The following WWP2 variants were observed in gnomAD, a reference collection of about 807,000 sequenced individuals.
WWP2 encodes the protein WW domain containing E3 ubiquitin protein ligase 2.
WWP2 carries 57 observed loss-of-function variants against 121.0 expected under a neutral mutation model. The observed-to-expected ratio is 0.47, with a 90% CI of 0.38 to 0.59. The LOEUF is 0.59. Among genes scored for constraint, WWP2 ranks in the 20% least tolerant of loss-of-function variants. WWP2 has a pLI of 0.00. For missense variants in WWP2, 962 were observed against 1,158.9 expected (o/e 0.83, Z 2.47); for synonymous variants, 449 against 441.3 (o/e 1.02, Z -0.22).
rs1178503901 is a variant in WWP2, at chr16:69,925,701, C to T, written c.1234+217C>T. ...AGCTCCACCGAACCACTGTAGCATC[C>T]ACCCACCATCGCTAAAGGAGTGTGA... On this transcript the variant is annotated intron_variant, in intron 11 of 23. Coordinates refer to ENST00000359154, the MANE Select transcript of WWP2 (RefSeq NM_001270454.2). The surrounding 1 kb of genome is among the most constrained non-coding windows in gnomAD (Gnocchi z 4.0). Among the ~76,000 whole-genome samples, 1 of 152,198 alleles carries T rather than the reference C, an allele frequency of 6.6e-6. No individual in the cohort carries two copies. Among genetic ancestry groups the T allele is most frequent in the Non-Finnish European group, 1.5e-5 (1 of 68,034 alleles).
At chr16:69,847,284 C>T (rs931237955) in intron 6 of WWP2, among the ~76,000 whole-genome samples, 1 of 151,760 alleles carries the variant, frequency 6.6e-6, no homozygotes, top group African/African-American at 2.4e-5. Flanking sequence ...GGGGTTTCAC[C>T]ATATTGGTCA....
At position 69,935,855 on chromosome 16, in the gene WWP2, G is replaced by A. The variant is rs749052862; in HGVS notation, c.1845G>A (p.Ala615=). 2.2e-5 allele frequency: 36 copies of A among 1,612,510 alleles called. No homozygotes were observed. Among genetic ancestry groups the A allele is most frequent in the Non-Finnish European group, 2.2e-5 (26 of 1,179,280 alleles). The change falls in exon 18 of 24, where the codon GCG becomes GCA. Residue 615 remains alanine, a splice_region_variant and synonymous_variant. Coordinates refer to ENST00000359154, the MANE Select transcript of WWP2 (RefSeq NM_001270454.2). This position sits in a 1 kb window ranked among gnomAD's most constrained non-coding sequence, Gnocchi z 5.2. ...FRFIGRFIAM[A]LYHGKFIDTG... is the part of the protein sequence containing the mutation. ...GTGCTGTGCCTCTTCCTTCCCAGGC[G>A]CTGTACCATGGAAAGTTCATCGACA...
chr16:69,864,534 T>A (rs994952348), intron 6 of WWP2, among the ~76,000 whole-genome samples: 1 of 151,998 alleles, frequency 6.6e-6, no homozygotes, highest in African/African-American at 2.4e-5. Flanking sequence ...TACTGTAAGT[T>A]GTATAAAAAC....
intron 4 of WWP2, among the ~76,000 whole-genome samples, chr16:69,839,132 G>A (rs1297945427): frequency 5.1e-5 from 2 of 39,494 alleles, no homozygotes; most frequent in African/African-American, 2.1e-4. Context: ...TAGCAACTAA[G>A]AAATAAAACA....
At chr16:69,856,376 A>T (rs1366287283) in intron 6 of WWP2, among the ~76,000 whole-genome samples, 1 of 152,202 alleles carries the variant, frequency 6.6e-6, no homozygotes, top group East Asian at 1.9e-4. Flanking sequence ...AGTTGTGGTG[A>T]TGGTAACACC....
chr16:69,892,097 A>G (rs2058037683), intron 8 of WWP2, among the ~76,000 whole-genome samples: 2 of 152,182 alleles, frequency 1.3e-5, no homozygotes, highest in Admixed American at 1.3e-4. Flanking sequence ...CACCTAGCAC[A>G]TATGCACCTA....
Position 69,871,636 on chromosome 16 carries a change from GTC to G in WWP2, c.576-162_576-161del, listed in dbSNP as rs1293186191. ...TTTACCAAAAAGGAAACTTCCCTGG[GTC>G]TCTCTGCTTGGAACCAGCTTCTGTT... is the stretch of plus-strand genomic sequence containing the variant. On this transcript the variant is annotated intron_variant, in intron 6 of 23. Transcript: ENST00000359154. 7 of 911,826 alleles carry G rather than the reference GTC, an allele frequency of 7.7e-6. No individual in the cohort carries two copies. In the East Asian group the frequency reaches 1.7e-4, roughly 22 times the overall value. 56.5% of individuals were successfully genotyped at this position (911,826 alleles called of 1,614,324 possible).
In WWP2 at chr16:69,931,597, C is replaced by G. The variant is rs746753136; in HGVS notation, c.1593+17C>G. ...TTCCAACAGGTTAGATCATGGTGCC[C>G]GAAACCAGTGGCAGGCCGACGCCCT... On this transcript the variant is annotated intron_variant, in intron 15 of 23. Coordinates refer to ENST00000359154, the MANE Select transcript of WWP2 (RefSeq NM_001270454.2). 6.2e-7 allele frequency: 1 copy of G among 1,613,930 alleles called. No individual in the cohort carries two copies. The highest frequency in any genetic ancestry group is 1.3e-5 in the African/African-American group (1 of 74,976).
At chr16:69,871,508 A>G (rs1339469538) in intron 6 of WWP2, among the ~76,000 whole-genome samples, 1 of 152,148 alleles carries the variant, frequency 6.6e-6, no homozygotes, top group Non-Finnish European at 1.5e-5. Context: ...AAATAATGTG[A>G]TGGTCACAGG....
rs1484044551 is a variant in WWP2 at position 69,881,805 on chromosome 16, C to T, written c.704-6234C>T. On this transcript the variant is annotated intron_variant, in intron 7 of 23. Coordinates refer to ENST00000359154, the MANE Select transcript of WWP2 (RefSeq NM_001270454.2). ...TTCCTGGGCTCAAGCGATTCTCCTGCCTTAGCCTCCCGAGTAGCTGGGACT... is the reference window on the plus strand; with the variant it reads ...TTCCTGGGCTCAAGCGATTCTCCTGTCTTAGCCTCCCGAGTAGCTGGGACT... Among the ~76,000 whole-genome samples the T allele has an allele frequency of 2.0e-5, 3 of 152,228 alleles. No individual in the cohort carries two copies. In the East Asian group the frequency reaches 5.8e-4, roughly 29 times the overall value.
chr16:69,765,819 G>T lies in WWP2; in HGVS notation c.-16+3428G>T, dbSNP rs530087910. On this transcript the variant is annotated intron_variant, in intron 1 of 23. Transcript: ENST00000359154. ...AGCCTAGGTGATGAAGTGAGACTCC[G>T]TCTTGCTTTTGGAGAGATGGGGAGT... 5.3e-4 allele frequency among the ~76,000 whole-genome samples: 80 copies of T among 152,182 alleles called. No homozygotes were observed. The South Asian group carries it at 0.016, about 31-fold the overall frequency.
At chr16:69,776,651 AC>A (rs907924081) in intron 1 of WWP2, among the ~76,000 whole-genome samples, 4 of 151,792 alleles carry the variant, frequency 2.6e-5, no homozygotes, top group Admixed American at 6.6e-5. Flanking sequence ...ACATGGAGAA[AC>A]CCCGTCTCTA....
chr16:69,773,455 A>C (rs909933323), intron 1 of WWP2, among the ~76,000 whole-genome samples: 1 of 152,066 alleles, frequency 6.6e-6, no homozygotes, highest in Non-Finnish European at 1.5e-5. Context: ...CTAGAATTAC[A>C]GGCATGAGCC....
chr16:69,809,755 T>C (rs1332488783), intron 4 of WWP2, among the ~76,000 whole-genome samples: 1 of 140,376 alleles, frequency 7.1e-6, no homozygotes, highest in African/African-American at 2.7e-5. Context: ...GTGACAAGAG[T>C]GAAACTCCGT....
At chr16:69,908,710 C>A (rs1459472903) in intron 8 of WWP2, 51 bp from the exon 9 acceptor site, 1 of 1,611,370 alleles carries the variant, frequency 6.2e-7, no homozygotes, top group Admixed American at 1.7e-5. Context: ...CTAACAGGGG[C>A]CTATGCCTTT....
At chr16:69,797,244 G>A (rs2056066699) in intron 2 of WWP2, among the ~76,000 whole-genome samples, 1 of 152,222 alleles carries the variant, frequency 6.6e-6, no homozygotes, top group Non-Finnish European at 1.5e-5. Context: ...AAGGCTATGA[G>A]CGGAAGAAGA....
intron 2 of WWP2, among the ~76,000 whole-genome samples, chr16:69,790,617 C>T (rs1205614291): frequency 6.6e-6 from 1 of 152,064 alleles, no homozygotes; most frequent in Non-Finnish European, 1.5e-5. Flanking sequence ...ACTCTGTCAC[C>T]CAGGCGGGGG....
chr16:69,787,328 G>T (rs953456371), intron 2 of WWP2, among the ~76,000 whole-genome samples: 1 of 152,166 alleles, frequency 6.6e-6, no homozygotes, highest in African/African-American at 2.4e-5. Flanking sequence ...AGTGGCTCAC[G>T]CCTGTAATTC....
chr16:69,902,465 A>G (rs2058220057), intron 8 of WWP2, among the ~76,000 whole-genome samples: 1 of 152,198 alleles, frequency 6.6e-6, no homozygotes, highest in Non-Finnish European at 1.5e-5. Flanking sequence ...CGTGTAGTCC[A>G]TGATCCAACC....
Sources: allele counts gnomAD v4.1 joint callset (sites outside exome capture counted in the v4.1 genomes callset), GRCh38; gene constraint gnomAD v4.1.1; non-coding constraint Gnocchi (gnomAD v3.1); transcripts MANE v1.5; gene names NCBI Gene and HGNC (gene_info 2026-07-23, HGNC 2026-07-21).